The following SAMD3 variants were observed in gnomAD, a reference collection of about 807,000 sequenced individuals.
The protein encoded by SAMD3 is sterile alpha motif domain containing 3.
In SAMD3, 63 loss-of-function variants were observed where a neutral mutation model predicts 58.5. The ratio of observed to expected loss-of-function variants is 1.08; its 90% CI spans 0.88 to 1.33. The LOEUF is 1.33. SAMD3 is among the 40% of genes most tolerant of loss of function. The probability of loss-of-function intolerance (pLI) is 0.00; values close to 1 mark genes in which losing one functional copy is unlikely to be tolerated. For synonymous variants in SAMD3, 220 were observed against 210.3 expected (o/e 1.05, Z -0.40); for missense variants, 604 against 608.4 (o/e 0.99, Z 0.08).
chr6:130,153,510 G>C (rs951510663), intron 9 of SAMD3, among the ~76,000 whole-genome samples: 19 of 151,754 alleles, frequency 1.3e-4, no homozygotes, highest in Non-Finnish European at 2.5e-4. Context: ...CATGAAATAT[G>C]TTCTCGGGTA....
intron 2 of SAMD3, among the ~76,000 whole-genome samples, chr6:130,270,369 G>A (rs1166429214): frequency 2.0e-5 from 3 of 152,088 alleles, no homozygotes; most frequent in African/African-American, 4.8e-5. Context: ...CTGGGATTAC[G>A]GGCTTGAGCC....
intron 1 of SAMD3, among the ~76,000 whole-genome samples, chr6:130,322,902 A>C (rs944116367): frequency 9.8e-5 from 15 of 152,354 alleles, no homozygotes; most frequent in Admixed American, 2.6e-4. Flanking sequence ...TGGTTAACAG[A>C]AAATGGAATA....
chr6:130,195,514 C>T (rs1264634306), intron 5 of SAMD3, among the ~76,000 whole-genome samples: 1 of 152,170 alleles, frequency 6.6e-6, no homozygotes, highest in Non-Finnish European at 1.5e-5. Flanking sequence ...CTATCCACCC[C>T]ATGGTGCCGA....
intron 1 of SAMD3, among the ~76,000 whole-genome samples, chr6:130,340,198 T>A (rs1777226680): frequency 6.6e-6 from 1 of 152,230 alleles, no homozygotes; most frequent in African/African-American, 2.4e-5. Context: ...ATTTGTTTCA[T>A]AATTCTGGAA....
intron 2 of SAMD3, among the ~76,000 whole-genome samples, chr6:130,231,368 A>G (rs1376651328): frequency 6.6e-6 from 1 of 152,122 alleles, no homozygotes; most frequent in Non-Finnish European, 1.5e-5. Flanking sequence ...GTTCATGACT[A>G]GCCTGGCCAA....
At chr6:130,237,479 G>A (rs1017472754) in intron 2 of SAMD3, among the ~76,000 whole-genome samples, 1 of 152,032 alleles carries the variant, frequency 6.6e-6, no homozygotes, top group Non-Finnish European at 1.5e-5. Context: ...CAGAACTGCT[G>A]CCCAATGACC....
chr6:130,183,336 C>CA (rs55660451), intron 7 of SAMD3: 2,600 of 381,804 alleles, frequency 6.8e-3, no homozygotes, highest in Admixed American at 0.021. Context: ...GACTCCGTCT[C>CA]AAAAAAAAAA....
At chr6:130,238,816 T>C (rs1263109717) in intron 2 of SAMD3, among the ~76,000 whole-genome samples, 1 of 152,156 alleles carries the variant, frequency 6.6e-6, no homozygotes, top group African/African-American at 2.4e-5. Context: ...TGGAGTGTAG[T>C]GGTGCAATCT....
chr6:130,365,619 C>T (rs1364815333), upstream of SAMD3: 2 of 985,354 alleles, frequency 2.0e-6, no homozygotes, highest in African/African-American at 3.5e-5. Context: ...GGGTCCCTGG[C>T]TCGGTAACCG....
intron 2 of SAMD3, among the ~76,000 whole-genome samples, chr6:130,292,398 T>C (rs1204625384): frequency 6.6e-6 from 1 of 151,444 alleles, no homozygotes; most frequent in Non-Finnish European, 1.5e-5. Context: ...GCAGTTCTCC[T>C]GCGTCAGCCT....
At chr6:130,242,581 G>C (rs957506474) in intron 2 of SAMD3, among the ~76,000 whole-genome samples, 1 of 152,202 alleles carries the variant, frequency 6.6e-6, no homozygotes, top group Non-Finnish European at 1.5e-5. Context: ...ATACTTCTTT[G>C]ATGTTCACAG....
At chr6:130,294,806 C>T (rs1396524996) in intron 2 of SAMD3, among the ~76,000 whole-genome samples, 1 of 151,046 alleles carries the variant, frequency 6.6e-6, no homozygotes, top group Non-Finnish European at 1.5e-5. Flanking sequence ...TCCAATCTTG[C>T]ATACCTTGAT....
rs1412197096 is a variant in SAMD3, at chr6:130,193,878, C to G, written c.384-9255G>C. ...ATCAGTCCCTTCCTAGTCTCTGTGC[C>G]CAATGCAACTTGTCCCAAATCTTCC... On this transcript the variant is annotated intron_variant, in intron 5 of 11. Coordinates refer to ENST00000439090, the MANE Select transcript of SAMD3 (RefSeq NM_001017373.4). Among the ~76,000 whole-genome samples, 8 of 152,124 alleles carry G rather than the reference C, an allele frequency of 5.3e-5. No homozygotes were observed. In the East Asian group the frequency reaches 1.3e-3, roughly 26 times the overall value.
chr6:130,244,398 C>T (rs895270723), intron 2 of SAMD3, among the ~76,000 whole-genome samples: 8 of 152,088 alleles, frequency 5.3e-5, no homozygotes, highest in African/African-American at 1.2e-4. Context: ...ATGCAATCTC[C>T]GGTAAAGTAC....
chr6:130,316,288 TAAAAAAAAAAAAAA>T (rs777240578), intron 1 of SAMD3, among the ~76,000 whole-genome samples: 1 of 80,318 alleles, frequency 1.2e-5, no homozygotes, highest in Non-Finnish European at 2.5e-5. Context: ...AAGGCTGTCT[TAAAAAAAAAAAAAA>T]AAAAAAAAAG....
At chr6:130,337,321 A>C (rs1777129428) in intron 1 of SAMD3, among the ~76,000 whole-genome samples, 2 of 151,982 alleles carry the variant, frequency 1.3e-5, no homozygotes, top group African/African-American at 4.8e-5. Context: ...TTCCCCTTCC[A>C]CCATGATTAT....
intron 5 of SAMD3, among the ~76,000 whole-genome samples, chr6:130,194,063 CACTCTAT>C (rs895059892): frequency 3.9e-5 from 6 of 152,166 alleles, no homozygotes; most frequent in African/African-American, 1.4e-4. Flanking sequence ...TCCGCTCCTC[CACTCTAT>C]AATCTTTTTA....
intron 1 of SAMD3, among the ~76,000 whole-genome samples, chr6:130,364,882 C>T (rs1778089370): frequency 6.9e-6 from 1 of 145,200 alleles, no homozygotes; most frequent in Admixed American, 6.9e-5. Context: ...ATGGCTCTCC[C>T]CCACCCCCCA....
chr6:130,345,198 G>A (rs907785), intron 1 of SAMD3, among the ~76,000 whole-genome samples: 70,052 of 152,014 alleles, frequency 0.46, 19,117 homozygotes, highest in African/African-American at 0.76. Flanking sequence ...AGAAGCCTGC[G>A]TAAGCAGGAA....
Sources: allele counts gnomAD v4.1 joint callset (sites outside exome capture counted in the v4.1 genomes callset), GRCh38; gene constraint gnomAD v4.1.1; transcripts MANE v1.5; gene names NCBI Gene and HGNC (gene_info 2026-07-23, HGNC 2026-07-21).